Variants in ARHGAP35 observed in about 807,000 individuals in gnomAD.
The protein encoded by ARHGAP35 is Rho GTPase activating protein 35.
In ARHGAP35, 15 loss-of-function variants were observed where a neutral mutation model predicts 111.1. That is an observed-to-expected ratio of 0.13 (90% CI 0.09 to 0.21). ARHGAP35 has a LOEUF of 0.21. Ranked by LOEUF, ARHGAP35 falls within the 10% of genes least tolerant of loss-of-function variation. ARHGAP35 has a pLI of 1.00. For missense variants in ARHGAP35, 1,262 were observed against 1,873.0 expected, an observed-to-expected ratio of 0.67 and a Z score of 6.02; for synonymous variants, 643 against 710.3, an observed-to-expected ratio of 0.91 and a Z score of 1.51.
chr19:46,881,953 T>G (rs1207906845), intron 1 of ARHGAP35, among the ~76,000 whole-genome samples: 1 of 152,134 alleles, frequency 6.6e-6, no homozygotes, highest in Non-Finnish European at 1.5e-5. Flanking sequence ...TGGAGGTGGC[T>G]ACTTTCCTTA....
intron 3 of ARHGAP35, among the ~76,000 whole-genome samples, chr19:46,983,817 A>G (rs370099235): frequency 6.6e-6 from 1 of 151,770 alleles, no homozygotes; most frequent in South Asian, 2.1e-4. Context: ...GGGTTTCACA[A>G]TGTTAACCAG....
chr19:46,980,907 G>A (rs971651482), intron 3 of ARHGAP35, among the ~76,000 whole-genome samples: 1 of 152,244 alleles, frequency 6.6e-6, no homozygotes, highest in Non-Finnish European at 1.5e-5. Context: ...ACCAGGGGAT[G>A]AGGTGAGAAC....
At chr19:46,975,961 A>G (rs2056577453) in intron 3 of ARHGAP35, among the ~76,000 whole-genome samples, 1 of 152,232 alleles carries the variant, frequency 6.6e-6, no homozygotes, top group Non-Finnish European at 1.5e-5. Context: ...AGATACTCCC[A>G]TCTATCACTG....
chr19:46,902,922 G>A (rs925565298), intron 1 of ARHGAP35, among the ~76,000 whole-genome samples: 15 of 152,332 alleles, frequency 9.8e-5, no homozygotes, highest in Admixed American at 5.9e-4. Flanking sequence ...CCTCAGTGAA[G>A]AAAACTAAAG....
chr19:46,935,926 C>T (rs1489048328), intron 2 of ARHGAP35, among the ~76,000 whole-genome samples: 1 of 152,124 alleles, frequency 6.6e-6, no homozygotes, highest in Non-Finnish European at 1.5e-5. Context: ...TGAGCATAGG[C>T]TTTGGAGACA....
intron 3 of ARHGAP35, among the ~76,000 whole-genome samples, chr19:46,958,652 T>C (rs2056457162): frequency 2.0e-5 from 3 of 152,316 alleles, no homozygotes; most frequent in Non-Finnish European, 4.4e-5. Flanking sequence ...TTCCTGCACA[T>C]TGGACCTGTA....
intron 1 of ARHGAP35, among the ~76,000 whole-genome samples, chr19:46,870,047 C>T (rs2055879606): frequency 6.7e-6 from 1 of 150,274 alleles, no homozygotes; most frequent in Admixed American, 6.7e-5. Flanking sequence ...TCTGGGTTCA[C>T]GCCATTCTCC....
rs1026202449 is a variant in ARHGAP35, at chr19:46,994,266, G to A, written c.4036+4591G>A. 3.3e-5 allele frequency among the ~76,000 whole-genome samples: 5 copies of A among 152,162 alleles called. No individual in the cohort carries two copies. Among genetic ancestry groups the A allele is most frequent in the Admixed American group, 6.5e-5 (1 of 15,292 alleles). On this transcript the variant is annotated intron_variant, in intron 5 of 6. Transcript: ENST00000672722. The surrounding 1 kb of genome is among the most constrained non-coding windows in gnomAD (Gnocchi z 5.4). ...CTTTGGCCAGTGTAGACACCTGGCC[G>A]GGCGGGCTACCTATTGAAGCTGGGG...
At chr19:46,877,440 G>A (rs1343288430) in intron 1 of ARHGAP35, among the ~76,000 whole-genome samples, 1 of 151,398 alleles carries the variant, frequency 6.6e-6, no homozygotes, top group Non-Finnish European at 1.5e-5. Flanking sequence ...GTGGGCACCT[G>A]TAATCCCCAG....
chr19:46,928,696 C>T (rs531933416), intron 2 of ARHGAP35, among the ~76,000 whole-genome samples: 18 of 152,110 alleles, frequency 1.2e-4, no homozygotes, highest in African/African-American at 4.3e-4. Flanking sequence ...CTTTGGGAGG[C>T]CGAGGCAGGC....
At chr19:46,878,573 C>T (rs574449556) in intron 1 of ARHGAP35, among the ~76,000 whole-genome samples, 26 of 152,288 alleles carry the variant, frequency 1.7e-4, no homozygotes, top group African/African-American at 6.0e-4. Flanking sequence ...CCCACCTCGG[C>T]CTCCGGAAGT....
At chr19:46,930,112 A>G (rs572700627) in intron 2 of ARHGAP35, among the ~76,000 whole-genome samples, 2 of 152,082 alleles carry the variant, frequency 1.3e-5, no homozygotes, top group Admixed American at 6.5e-5. Context: ...CACACTTGTA[A>G]TCCCAATGCT....
intron 1 of ARHGAP35, among the ~76,000 whole-genome samples, chr19:46,870,082 G>C (rs2055879755): frequency 6.6e-6 from 1 of 151,384 alleles, no homozygotes; most frequent in South Asian, 2.1e-4. Flanking sequence ...AAGTAGCTGG[G>C]ACTACAGGCG....
intron 3 of ARHGAP35, among the ~76,000 whole-genome samples, chr19:46,963,223 G>A (rs2122275361): frequency 6.6e-6 from 1 of 152,228 alleles, no homozygotes; most frequent in African/African-American, 2.4e-5. Flanking sequence ...TCAGGGCATA[G>A]TATGATTTTG....
rs140351696 is a variant in ARHGAP35, at chr19:46,901,299, T to G, written c.-188-17189T>G. Among the ~76,000 whole-genome samples, 388 of 152,356 alleles carry G rather than the reference T, an allele frequency of 2.5e-3. 4 individuals carry two copies. The highest frequency in any genetic ancestry group is 9.1e-3 in the African/African-American group (377 of 41,576). On this transcript the variant is annotated intron_variant, in intron 1 of 6. Transcript: ENST00000672722. This position sits in a 1 kb window ranked among gnomAD's most constrained non-coding sequence, Gnocchi z 4.5. ...CAGGCCAGGCATAGTGGCTCACCCC[T>G]GTAATCCCAGCACTTCGGGAGGCCG...
chr19:46,943,434 A>G (rs311370), intron 3 of ARHGAP35, among the ~76,000 whole-genome samples: 77,894 of 151,896 alleles, frequency 0.51, 20,679 homozygotes, highest in Middle Eastern at 0.7. Flanking sequence ...GTATTGAATA[A>G]TTGAACGAAT....
chr19:46,883,274 T>TTG (rs939542571), intron 1 of ARHGAP35, among the ~76,000 whole-genome samples: 54 of 151,710 alleles, frequency 3.6e-4, no homozygotes, highest in African/African-American at 1.2e-3. Flanking sequence ...TTTTTTTTTT[T>TTG]TTGTTAGTAG....
At chr19:46,914,365 G>A (rs2056153494) in intron 1 of ARHGAP35, among the ~76,000 whole-genome samples, 1 of 152,190 alleles carries the variant, frequency 6.6e-6, no homozygotes, top group Non-Finnish European at 1.5e-5. Context: ...AGCACTTTGG[G>A]AGGCTGAGGT....
At chr19:46,933,663 G>T (rs2056286804) in intron 2 of ARHGAP35, among the ~76,000 whole-genome samples, 1 of 152,046 alleles carries the variant, frequency 6.6e-6, no homozygotes, top group Non-Finnish European at 1.5e-5. Context: ...TGCTTGTAAA[G>T]AATTTATACT....
Sources: gnomAD v4.1 joint callset for allele counts (sites outside exome capture counted in the v4.1 genomes callset) on GRCh38, gnomAD v4.1.1 for gene constraint, Gnocchi (gnomAD v3.1) non-coding constraint, MANE v1.5 for transcripts, NCBI Gene and HGNC (gene_info 2026-07-23, HGNC 2026-07-21) for gene names.